The following SAMD3 variants were observed in gnomAD, a reference collection of about 807,000 sequenced individuals.
The protein encoded by SAMD3 is sterile alpha motif domain-containing protein 3.
A neutral mutation model predicts 58.5 loss-of-function variants in SAMD3; 63 were observed. The ratio of observed to expected loss-of-function variants is 1.08; its 90% CI spans 0.88 to 1.33. The LOEUF is 1.33. Ranked by LOEUF, SAMD3 falls within the 40% of genes most tolerant of loss-of-function variation. SAMD3 has a pLI of 0.00. For missense variants in SAMD3, 604 were observed against 608.4 expected (o/e 0.99, Z 0.08); for synonymous variants, 220 against 210.3 (o/e 1.05, Z -0.40).
At chr6:130,239,734 T>C (rs927415814) in intron 2 of SAMD3, among the ~76,000 whole-genome samples, 1 of 152,118 alleles carries the variant, frequency 6.6e-6, no homozygotes, top group Non-Finnish European at 1.5e-5. Flanking sequence ...AACACAAACC[T>C]TTATCAGTAG....
chr6:130,256,000 T>C (rs1177991338), intron 2 of SAMD3, among the ~76,000 whole-genome samples: 1 of 151,922 alleles, frequency 6.6e-6, no homozygotes, highest in East Asian at 1.9e-4. Flanking sequence ...GGTATTTTGC[T>C]TCTTTCTTTC....
intron 8 of SAMD3, chr6:130,160,094 C>G (rs1790157567): frequency 6.6e-6 from 1 of 152,026 alleles, no homozygotes; most frequent in Admixed American, 6.6e-5. Flanking sequence ...ATCTGCACAC[C>G]CTGTGAGCCA....
At chr6:130,324,262 C>T (rs930396961) in intron 1 of SAMD3, among the ~76,000 whole-genome samples, 1 of 152,014 alleles carries the variant, frequency 6.6e-6, no homozygotes, top group Non-Finnish European at 1.5e-5. Flanking sequence ...TTAGGTCAAC[C>T]CTCTTATTTT....
chr6:130,204,215 T>TA (rs1376501999), intron 5 of SAMD3, among the ~76,000 whole-genome samples: 2 of 152,188 alleles, frequency 1.3e-5, no homozygotes, highest in Non-Finnish European at 2.9e-5. Context: ...CCTGTTTATC[T>TA]ACTTTCATGC....
At chr6:130,349,124 C>G (rs191586921) in intron 1 of SAMD3, among the ~76,000 whole-genome samples, 1,567 of 152,146 alleles carry the variant, frequency 0.01, 17 homozygotes, top group Middle Eastern at 0.02. Flanking sequence ...CAAGAGAAAG[C>G]AGGAAAGATC....
chr6:130,238,358 C>T (rs1773236848), intron 2 of SAMD3, among the ~76,000 whole-genome samples: 1 of 151,950 alleles, frequency 6.6e-6, no homozygotes, highest in South Asian at 2.1e-4. Flanking sequence ...TTGTTTTTCT[C>T]CCTATAAAAA....
Position 130,179,307 on chromosome 6 carries a change from G to A in SAMD3, c.655-3299C>T, listed in dbSNP as rs536637443. 6.4e-3 allele frequency among the ~76,000 whole-genome samples: 967 copies of A among 152,264 alleles called. 12 individuals carry two copies. The highest frequency in any genetic ancestry group is 0.021 in the African/African-American group (889 of 41,556). On this transcript the variant is annotated intron_variant, in intron 7 of 11. Coordinates refer to ENST00000439090, the MANE Select transcript of SAMD3 (RefSeq NM_001017373.4). Reference sequence around the variant, plus strand: ...CTTACGCAGACGCCTCAGGTAGGCAGACTCAGTAGGAAATATTTATGTTAT... The same window carrying A: ...CTTACGCAGACGCCTCAGGTAGGCAAACTCAGTAGGAAATATTTATGTTAT...
At chr6:130,168,416 C>T (rs4526223) in intron 8 of SAMD3, among the ~76,000 whole-genome samples, 119,184 of 151,842 alleles carry the variant, frequency 0.78, 47,723 homozygotes, top group East Asian at 0.98. Flanking sequence ...GCCTGGGCGA[C>T]GAGTGAAACA....
chr6:130,215,731 A>G (rs1795966833), intron 2 of SAMD3: 4 of 1,488,488 alleles, frequency 2.7e-6, no homozygotes, highest in Non-Finnish European at 9.0e-7. Context: ...GAAGGGAGGA[A>G]GGATCAGATA....
At chr6:130,312,934 A>T (rs1776229317) in intron 2 of SAMD3, 1 of 152,214 alleles carries the variant, frequency 6.6e-6, no homozygotes, top group South Asian at 2.1e-4. Context: ...GCAGTCTCGT[A>T]GTGCATAGCA....
At chr6:130,301,341 A>T (rs931322336) in intron 2 of SAMD3, among the ~76,000 whole-genome samples, 9 of 152,214 alleles carry the variant, frequency 5.9e-5, no homozygotes, top group African/African-American at 2.2e-4. Flanking sequence ...ATAGCCAAAC[A>T]AAAAAGAAAA....
chr6:130,271,747 G>C (rs983401052), intron 2 of SAMD3, among the ~76,000 whole-genome samples: 1 of 152,154 alleles, frequency 6.6e-6, no homozygotes, highest in South Asian at 2.1e-4. Flanking sequence ...AGGTTTAATG[G>C]ACTCACAGTT....
intron 2 of SAMD3, among the ~76,000 whole-genome samples, chr6:130,254,170 TTTTA>T (rs144371874): frequency 0.41 from 61,777 of 149,608 alleles, 13,835 homozygotes; most frequent in African/African-American, 0.58. Flanking sequence ...CTTTTTGTAT[TTTTA>T]TTTATTTATT....
intron 2 of SAMD3, chr6:130,215,543 CT>C: frequency 1.5e-6 from 2 of 1,331,206 alleles, no homozygotes; most frequent in South Asian, 2.3e-5. Context: ...CCTTCTCCTA[CT>C]TTTTTTCCAC....
intron 2 of SAMD3, among the ~76,000 whole-genome samples, chr6:130,292,193 A>T (rs999097384): frequency 1.3e-5 from 2 of 151,666 alleles, no homozygotes; most frequent in African/African-American, 4.9e-5. Flanking sequence ...AGATTTTCAC[A>T]TTTTGAACTT....
chr6:130,229,025 G>A (rs1318560508), intron 2 of SAMD3, among the ~76,000 whole-genome samples: 1 of 152,208 alleles, frequency 6.6e-6, no homozygotes, highest in African/African-American at 2.4e-5. Context: ...ATAAAGACAG[G>A]AGGACTTCCC....
chr6:130,291,714 C>A (rs12211647), intron 2 of SAMD3, among the ~76,000 whole-genome samples: 42,358 of 152,130 alleles, frequency 0.28, 6,362 homozygotes, highest in East Asian at 0.45. Context: ...AAACTAATTT[C>A]TCAGAATTAC....
chr6:130,342,121 T>G (rs1241829880), intron 1 of SAMD3, among the ~76,000 whole-genome samples: 1 of 152,174 alleles, frequency 6.6e-6, no homozygotes. Context: ...GGGACAAAAT[T>G]GTGAATATGA....
intron 1 of SAMD3, among the ~76,000 whole-genome samples, chr6:130,222,174 C>G (rs1312991646): frequency 6.6e-6 from 1 of 152,112 alleles, no homozygotes; most frequent in African/African-American, 2.4e-5. Context: ...GGTACTAATG[C>G]AAGCCAAAAA....
Sources: gnomAD v4.1 joint callset for allele counts (sites outside exome capture counted in the v4.1 genomes callset) on GRCh38, gnomAD v4.1.1 for gene constraint, MANE v1.5 for transcripts, NCBI Gene and HGNC (gene_info 2026-07-23, HGNC 2026-07-21) for gene names.